The following ERBB2 variants were observed in gnomAD, a reference collection of about 807,000 sequenced individuals.
ERBB2 encodes erb-b2 receptor tyrosine kinase 2, also known as receptor tyrosine-protein kinase erbB-2.
Under a neutral mutation model 149.0 loss-of-function variants are expected in ERBB2, and 61 were observed. The observed-to-expected ratio is 0.41, with a 90% confidence interval of 0.33 to 0.51. The LOEUF (loss-of-function observed/expected upper bound fraction) is 0.51, where lower values mean the gene tolerates loss of function less well. Ranked by LOEUF, ERBB2 falls within the 20% of genes least tolerant of loss-of-function variation. The pLI, the probability that ERBB2 is intolerant of heterozygous loss-of-function variation, is 0.25. For missense variants in ERBB2, 1,205 were observed against 1,655.1 expected (o/e 0.73, Z 4.72); for synonymous variants, 633 against 678.8 (o/e 0.93, Z 1.05).
rs1302671977 is a variant in ERBB2, at chr17:39,727,809, A to G, written c.3533A>G (p.Asn1178Ser). 2 of 1,613,378 alleles carry G rather than the reference A, an allele frequency of 1.2e-6. No individual in the cohort carries two copies. The highest frequency in any genetic ancestry group is 1.7e-5 in the Admixed American group (1 of 59,972). The change falls in exon 27 of 27, where the codon AAT (asparagine) becomes AGT (serine). Residue 1178 changes from asparagine to serine, a missense_variant. Coordinates refer to ENST00000269571, the MANE Select transcript of ERBB2 (RefSeq NM_004448.4). The surrounding 1 kb of genome is among the most constrained non-coding windows in gnomAD (Gnocchi z 4.3). The stretch of plus-strand genomic sequence containing the variant: ...CCCAAGACTCTCTCCCCAGGGAAGA[A>G]TGGGGTCGTCAAAGACGTTTTTGCC... ...ERPKTLSPGK[N>S]GVVKDVFAFG...
Position 39,723,983 on chromosome 17 carries a change from C to T in ERBB2, c.2280C>T (p.Ser760=), listed in dbSNP as rs779727777. ...TCAAAGTGTTGAGGGAAAACACATCCCCCAAAGCCAACAAAGAAATCTTAG... is the reference window on the plus strand; with the variant it reads ...TCAAAGTGTTGAGGGAAAACACATCTCCCAAAGCCAACAAAGAAATCTTAG... ...VAIKVLRENT[S]PKANKEILDE... Residue 760 remains serine, a synonymous_variant, in exon 19 of 27, where the codon TCC becomes TCT. Coordinates refer to ENST00000269571, the MANE Select transcript of ERBB2 (RefSeq NM_004448.4). The surrounding 1 kb of genome is among the most constrained non-coding windows in gnomAD (Gnocchi z 6.2). The T allele has an allele frequency of 1.5e-4, 236 of 1,613,724 alleles. No homozygotes were observed. The highest frequency in any genetic ancestry group is 1.9e-4 in the Non-Finnish European group (230 of 1,179,862).
chr17:39,689,050 G>C (rs1221303327), intron 2 of ERBB2, among the ~76,000 whole-genome samples: 1 of 152,234 alleles, frequency 6.6e-6, no homozygotes, highest in East Asian at 1.9e-4. Context: ...AAGCCTTGTA[G>C]CTAAGGATCA....
upstream of ERBB2, among the ~76,000 whole-genome samples, chr17:39,694,267 ATGTG>A (rs1245908795): frequency 3.9e-5 from 1 of 25,626 alleles, no homozygotes; most frequent in African/African-American, 1.1e-4. Context: ...ATATATATAT[ATGTG>A]TGTATATATA....
At position 39,725,605 on chromosome 17, in the gene ERBB2, C is replaced by T. The variant is rs2059712283; in HGVS notation, c.2726-102C>T. 2 of 1,354,670 alleles carry T rather than the reference C, an allele frequency of 1.5e-6. No homozygotes were observed. Among genetic ancestry groups the T allele is most frequent in the Non-Finnish European group, 2.0e-6 (2 of 980,324 alleles). The allele number at this position is 1,354,670 out of a possible 1,614,324, so 83.9% of individuals were successfully genotyped here. ...GTCTGTCTCCTGGCATCACATCTCC[C>T]CCTGCTACCTGCCATGATGCTAGAC... On this transcript the variant is annotated intron_variant, in intron 22 of 26. Coordinates refer to ENST00000269571, the MANE Select transcript of ERBB2 (RefSeq NM_004448.4). The surrounding 1 kb of genome is among the most constrained non-coding windows in gnomAD (Gnocchi z 4.6).
rs1187893378 is a variant in ERBB2 at position 39,708,526 on chromosome 17, G to A, written c.431G>A (p.Ser144Asn). 1 of 1,613,720 alleles carries A rather than the reference G, an allele frequency of 6.2e-7. No homozygotes were observed. Among genetic ancestry groups the A allele is most frequent in the African/African-American group, 1.3e-5 (1 of 75,020 alleles). ...GGCCTGCGGGAGCTGCAGCTTCGAA[G>A]CCTCACAGGTGGCCTTCACCGTCAT... Reference protein sequence around the residue: ...PGGLRELQLRSLTEILKGGVL... With the variant: ...PGGLRELQLRNLTEILKGGVL... The change falls in exon 3 of 27, where the codon AGC becomes AAC. Residue 144 changes from serine to asparagine, a missense_variant. Ser to Asn is a conservative substitution (Grantham distance 46, BLOSUM62 1). Around this residue, in one of 6 missense-constraint regions of ERBB2, gnomAD observed 569 missense variants for 803.5 expected, o/e 0.71. Coordinates refer to ENST00000269571, the MANE Select transcript of ERBB2 (RefSeq NM_004448.4).
At chr17:39,690,382 G>A (rs753272523), upstream of ERBB2, among the ~76,000 whole-genome samples, 2 of 152,124 alleles carry the variant, frequency 1.3e-5, no homozygotes, top group Non-Finnish European at 2.9e-5. Context: ...CATGCCACAC[G>A]GCCATAAAAT....
chr17:39,691,574 T>TATATACAC (rs1244087250), upstream of ERBB2, among the ~76,000 whole-genome samples: 3 of 122,062 alleles, frequency 2.5e-5, no homozygotes, highest in African/African-American at 1.2e-4. Flanking sequence ...TATATATATA[T>TATATACAC]ACACACACAC....
chr17:39,700,249 C>A lies in ERBB2; in HGVS notation c.11C>A (p.Ala4Glu). 1 of 1,441,616 alleles carries A rather than the reference C, an allele frequency of 6.9e-7. No individual in the cohort carries two copies. Among genetic ancestry groups the A allele is most frequent in the South Asian group, 1.4e-5 (1 of 71,648 alleles). 89.3% of individuals were successfully genotyped at this position (1,441,616 alleles called of 1,614,324 possible). The stretch of plus-strand genomic sequence containing the variant: ...GCCGCAGTGAGCACCATGGAGCTGG[C>A]GGCCTTGTGCCGCTGGGGGCTCCTC... MEL[A>E]ALCRWGLLLA... The change falls in exon 1 of 27, where the codon GCG becomes GAG. Residue 4 changes from alanine (A) to glutamate (E), a missense_variant. By Grantham distance (107) the Ala-to-Glu change is moderately radical. Coordinates refer to ENST00000269571, the MANE Select transcript of ERBB2 (RefSeq NM_004448.4).
intron 14 of ERBB2, chr17:39,717,004 A>C: frequency 2.3e-6 from 1 of 439,530 alleles, no homozygotes; most frequent in Non-Finnish European, 4.1e-6. Flanking sequence ...GGCTTGGCAC[A>C]GTGAAGCACG....
At chr17:39,716,040 G>A (rs1215492168) in intron 12 of ERBB2, 101 bp downstream of exon 12, 21 of 1,237,034 alleles carry the variant, frequency 1.7e-5, no homozygotes, top group Admixed American at 1.0e-4. Context: ...CAGACTGCCC[G>A]TCTCTGTGCA....
Position 39,727,507 on chromosome 17 carries a change from T to C in ERBB2, c.3372T>C (p.Thr1124=), listed in dbSNP as rs2059842020. ...EDPTVPLPSE[T]DGYVAPLTCS... is the part of the protein sequence containing the mutation. Reference sequence around the variant, plus strand: ...CCACAGTACCCCTGCCCTCTGAGACTGATGGCTACGTTGCCCCCCTGACCT... The same window carrying C: ...CCACAGTACCCCTGCCCTCTGAGACCGATGGCTACGTTGCCCCCCTGACCT... The change falls in exon 26 of 27, where the codon ACT becomes ACC. Residue 1124 remains threonine (T), a synonymous_variant. Coordinates refer to ENST00000269571, the MANE Select transcript of ERBB2 (RefSeq NM_004448.4). This position sits in a 1 kb window ranked among gnomAD's most constrained non-coding sequence, Gnocchi z 4.3. The C allele has an allele frequency of 1.9e-6, 3 of 1,607,718 alleles. No individual in the cohort carries two copies. Among genetic ancestry groups the C allele is most frequent in the Non-Finnish European group, 2.5e-6 (3 of 1,178,160 alleles).
rs2059553703 is a variant in ERBB2, at chr17:39,723,358, G to C, written c.1986G>C (p.Leu662=). Residue 662 remains leucine, a synonymous_variant, in exon 17 of 27, where the codon CTG becomes CTC. Transcript: ENST00000269571. This position sits in a 1 kb window ranked among gnomAD's most constrained non-coding sequence, Gnocchi z 6.2. The part of the protein sequence containing the change: ...TSIISAVVGI[L]LVVVLGVVFG... ...TCATCTCTGCGGTGGTTGGCATTCT[G>C]CTGGTCGTGGTCTTGGGGGTGGTCT... 6.2e-7 allele frequency: 1 copy of C among 1,613,952 alleles called. No homozygotes were observed. Among genetic ancestry groups the C allele is most frequent in the Non-Finnish European group, 8.5e-7 (1 of 1,179,974 alleles).
Position 39,725,478 on chromosome 17 carries a change from A to G in ERBB2, c.2725+76A>G. On this transcript the variant is annotated intron_variant, in intron 22 of 26. Transcript: ENST00000269571. This position sits in a 1 kb window ranked among gnomAD's most constrained non-coding sequence, Gnocchi z 4.6. Reference sequence around the variant, plus strand: ...GGAGGATGAGAGCTGGGATGGGGAGAATTACGGGGCCACCTCAGCATGTGA... The same window carrying G: ...GGAGGATGAGAGCTGGGATGGGGAGGATTACGGGGCCACCTCAGCATGTGA... The G allele has an allele frequency of 6.8e-7, 1 of 1,467,814 alleles. No individual in the cohort carries two copies. Among genetic ancestry groups the G allele is most frequent in the Non-Finnish European group, 9.5e-7 (1 of 1,053,272 alleles). 90.9% of individuals were successfully genotyped at this position (1,467,814 alleles called of 1,614,324 possible).
chr17:39,726,535 A>C lies in ERBB2; in HGVS notation c.2873-27A>C. ...CAGCAAGCACACAGGGCCTGGGACTAGCATGCTGACCTCCCTCCTGCCCCA... is the reference window on the plus strand; with the variant it reads ...CAGCAAGCACACAGGGCCTGGGACTCGCATGCTGACCTCCCTCCTGCCCCA... On this transcript the variant is annotated intron_variant, in intron 23 of 26. Transcript: ENST00000269571. This position sits in a 1 kb window ranked among gnomAD's most constrained non-coding sequence, Gnocchi z 5.1. The C allele has an allele frequency of 6.3e-7, 1 of 1,583,194 alleles. No homozygotes were observed. Among genetic ancestry groups the C allele is most frequent in the Non-Finnish European group, 8.7e-7 (1 of 1,151,910 alleles).
chr17:39,727,996 A>G lies in ERBB2; in HGVS notation c.3720A>G (p.Thr1240=), dbSNP rs2059875390. Residue 1240 remains threonine, a synonymous_variant, in exon 27 of 27, where the codon ACA becomes ACG. Coordinates refer to ENST00000269571, the MANE Select transcript of ERBB2 (RefSeq NM_004448.4). The surrounding 1 kb of genome is among the most constrained non-coding windows in gnomAD (Gnocchi z 4.3). The part of the protein sequence containing the change: ...RGAPPSTFKG[T]PTAENPEYLG... Reference sequence around the variant, plus strand: ...CTCCACCCAGCACCTTCAAAGGGACACCTACGGCAGAGAACCCAGAGTACC... The same window carrying G: ...CTCCACCCAGCACCTTCAAAGGGACGCCTACGGCAGAGAACCCAGAGTACC... 2 of 1,611,486 alleles carry G rather than the reference A, an allele frequency of 1.2e-6. No homozygotes were observed. Among genetic ancestry groups the G allele is most frequent in the South Asian group, 2.2e-5 (2 of 91,072 alleles).
intron 16 of ERBB2, among the ~76,000 whole-genome samples, chr17:39,720,984 G>T (rs1403498743): frequency 2.6e-5 from 4 of 152,084 alleles, no homozygotes; most frequent in African/African-American, 9.7e-5. Flanking sequence ...TTGAGACAGG[G>T]TCTTGCTCTC....
rs768092215 is a variant in ERBB2, at chr17:39,727,964, C to CG, written c.3694dup (p.Ala1232GlyfsTer45). The CG allele has an allele frequency of 1.2e-6, 2 of 1,613,802 alleles. No homozygotes were observed. The highest frequency in any genetic ancestry group is 1.7e-5 in the Admixed American group (1 of 60,014). ...TTACTGGGACCAGGACCCACCAGAGCGGGGGGCTCCACCCAGCACCTTCAA... is the reference window on the plus strand; with the variant it reads ...TTACTGGGACCAGGACCCACCAGAGCGGGGGGGCTCCACCCAGCACCTTCAA... On this transcript the variant is annotated frameshift_variant, in exon 27 of 27. Coordinates refer to ENST00000269571, the MANE Select transcript of ERBB2 (RefSeq NM_004448.4). LOFTEE classifies it high-confidence loss of function. This position sits in a 1 kb window ranked among gnomAD's most constrained non-coding sequence, Gnocchi z 4.3.
chr17:39,691,556 A>ATAT (rs1555611661), upstream of ERBB2, among the ~76,000 whole-genome samples: 16 of 84,182 alleles, frequency 1.9e-4, 1 homozygote, highest in East Asian at 5.3e-4. Flanking sequence ...TAAAAAAAAA[A>ATAT]ATATATATAT....
intron 19 of ERBB2, among the ~76,000 whole-genome samples, 184 bp downstream of exon 19, chr17:39,724,194 C>G (rs945996814): frequency 4.6e-5 from 7 of 151,366 alleles, no homozygotes; most frequent in African/African-American, 1.5e-4. Flanking sequence ...TCTCGGCTCA[C>G]TGCAACCTCC....
Sources: gnomAD v4.1 joint callset for allele counts (sites outside exome capture counted in the v4.1 genomes callset) on GRCh38, gnomAD v4.1.1 for gene constraint, gnomAD v4.1.1 regional missense constraint, Gnocchi (gnomAD v3.1) non-coding constraint, MANE v1.5 for transcripts, NCBI Gene and HGNC (gene_info 2026-07-23, HGNC 2026-07-21) for gene names.